Variants in FAM3A observed in about 807,000 individuals in gnomAD.
The protein encoded by FAM3A is protein FAM3A.
FAM3A carries 5 observed loss-of-function variants against 18.1 expected under a neutral mutation model. That is an observed-to-expected ratio of 0.28 (90% CI 0.14 to 0.58). FAM3A has a LOEUF of 0.58. Ranked by LOEUF, FAM3A falls within the 20% of genes least tolerant of loss-of-function variation. The pLI, the probability that FAM3A is intolerant of heterozygous loss-of-function variation, is 0.91. For synonymous variants in FAM3A, 108 were observed against 90.2 expected (o/e 1.20, Z -1.12); for missense variants, 154 against 216.6 (o/e 0.71, Z 1.81).
At chrX:154,508,892 A>G (rs1332425266) in intron 3 of FAM3A, 13 of 405,771 alleles carry the variant, frequency 3.2e-5, no homozygotes, top group African/African-American at 1.5e-4. Flanking sequence ...GAAGTAAGTC[A>G]GGCTGGGGGT....
chrX:154,512,560 C>T (rs987801477), intron 2 of FAM3A: 3 of 360,892 alleles, frequency 8.3e-6, no homozygotes, highest in Admixed American at 4.9e-5. Flanking sequence ...TCAGTGGAAG[C>T]TCCCTACCCC....
chrX:154,512,674 C>T, intron 2 of FAM3A, 149 bp downstream of exon 2: 1 of 464,043 alleles, frequency 2.2e-6, no homozygotes, highest in Non-Finnish European at 3.8e-6. Context: ...GCGCCTGATG[C>T]CAGGAGACAG....
At chrX:154,507,641 C>G (rs2069624399) in intron 6 of FAM3A, 151 bp from the exon 7 acceptor site, 1 of 785,255 alleles carries the variant, frequency 1.3e-6, no homozygotes, top group South Asian at 2.3e-5. Context: ...CTGAGGCATC[C>G]CCGTGACCTC....
intron 1 of FAM3A, among the ~76,000 whole-genome samples, chrX:154,513,643 A>C (rs992644582): frequency 1.8e-5 from 2 of 109,011 alleles, no homozygotes; most frequent in Non-Finnish European, 3.8e-5. Context: ...CAAAAACAAA[A>C]ACAAAACAAA....
At chrX:154,514,639 C>T (rs954146286) in intron 1 of FAM3A, among the ~76,000 whole-genome samples, 4 of 111,399 alleles carry the variant, frequency 3.6e-5, no homozygotes, top group Non-Finnish European at 5.7e-5. Context: ...CTCCAGACCT[C>T]GTGATCCGCC....
rs781824179 is a variant in FAM3A at position 154,507,492 on chromosome X, T to TG, written c.386-3dup. The TG allele has an allele frequency of 1.6e-4, 192 of 1,206,480 alleles. 1 individual carries two copies. In the African/African-American group the frequency reaches 2.6e-3, roughly 16 times the overall value. On this transcript the variant is annotated splice_region_variant and splice_polypyrimidine_tract_variant and intron_variant, in intron 6 of 8. Coordinates refer to ENST00000447601, the MANE Select transcript of FAM3A (RefSeq NM_021806.4). ...TAAACTTCAACAGGTCGTTGACATC[T>TG]GGGGGGGCAGGTGCCACGGAACAGG...
chrX:154,515,939 G>C lies in FAM3A; in HGVS notation c.-167C>G. On this transcript the variant is annotated 5_prime_UTR_variant, in exon 1 of 9. Transcript: ENST00000447601. Reference sequence around the variant, plus strand: ...TTGTCCAGCCGCCCGGCCAGGCAGGGCTCCTCGGAAACGCGCGGGGAAACC... The same window carrying C: ...TTGTCCAGCCGCCCGGCCAGGCAGGCCTCCTCGGAAACGCGCGGGGAAACC... 1 of 501,196 alleles carries C rather than the reference G, an allele frequency of 2.0e-6. No homozygotes were observed. The highest frequency in any genetic ancestry group is 5.5e-4 in the Middle Eastern group (1 of 1,820). The allele number at this position is 501,196 out of a possible 1,213,427, so 41.3% of individuals were successfully genotyped here. A position where few individuals can be genotyped will look rare whatever the true frequency, so the allele number is the denominator to read the frequency against.
In FAM3A at chrX:154,511,827, GGGA is replaced by G. The variant is rs1160638888; in HGVS notation, c.151+18_151+20del. 1 of 1,202,820 alleles carries G rather than the reference GGGA, an allele frequency of 8.3e-7. No homozygotes were observed. Among genetic ancestry groups the G allele is most frequent in the African/African-American group, 1.8e-5 (1 of 56,932 alleles). ...AGGGATGTCACAAAGGGGAGGAGCA[GGGA>G]GGTGACAGGGGCCTTACCTGCAGTC... On this transcript the variant is annotated intron_variant, in intron 3 of 8. Transcript: ENST00000447601.
chrX:154,507,070 A>T, intron 8 of FAM3A, 133 bp downstream of exon 8: 1 of 967,323 alleles, frequency 1.0e-6, no homozygotes, highest in Non-Finnish European at 1.4e-6. Context: ...CATCAGCTGC[A>T]CTGGCCCACC....
intron 2 of FAM3A, 104 bp from the exon 3 acceptor site, chrX:154,511,975 C>A: frequency 1.3e-6 from 1 of 752,382 alleles, no homozygotes; most frequent in South Asian, 2.4e-5. Flanking sequence ...GGCAGTCAGG[C>A]TCAGGGGCCG....
chrX:154,508,029 CTG>C lies in FAM3A; in HGVS notation c.335-170_335-169del. On this transcript the variant is annotated intron_variant, in intron 5 of 8. Coordinates refer to ENST00000447601, the MANE Select transcript of FAM3A (RefSeq NM_021806.4). ...CATCCCACCCCAAGCCGTGGTGCCT[CTG>C]TCTGGCATTTGAGGCCCTCCGGGGG... 3 of 524,909 alleles carry C rather than the reference CTG, an allele frequency of 5.7e-6. No individual in the cohort carries two copies. The South Asian group carries it at 9.4e-5, about 16-fold the overall frequency. 43.3% of individuals were successfully genotyped at this position (524,909 alleles called of 1,213,427 possible).
chrX:154,507,585 T>C (rs2069620426), intron 6 of FAM3A, 95 bp from the exon 7 acceptor site: 17 of 982,300 alleles, frequency 1.7e-5, no homozygotes, highest in Middle Eastern at 3.4e-4. Context: ...GAAGTAGGGA[T>C]TGGGCCTGGG....
intron 6 of FAM3A, 53 bp from the exon 7 acceptor site, chrX:154,507,543 T>C: frequency 9.0e-7 from 1 of 1,108,754 alleles, no homozygotes; most frequent in Admixed American, 2.3e-5. Flanking sequence ...CTGAGCACCC[T>C]CCCACAAGCC....
chrX:154,507,796 T>C lies in FAM3A; in HGVS notation c.385+15A>G. On this transcript the variant is annotated intron_variant, in intron 6 of 8. Coordinates refer to ENST00000447601, the MANE Select transcript of FAM3A (RefSeq NM_021806.4). ...TTGCTGCAGTCAAAATGCAAGACGC[T>C]GCGCTGCAACTCACCTCCGGCCCAC... 2 of 1,181,473 alleles carry C rather than the reference T, an allele frequency of 1.7e-6. No homozygotes were observed. The highest frequency in any genetic ancestry group is 4.8e-5 in the Admixed American group (2 of 41,884).
Position 154,515,780 on chromosome X carries a change from TCTC to T in FAM3A, c.-11_-9del, listed in dbSNP as rs782228561. On this transcript the variant is annotated 5_prime_UTR_variant, in exon 1 of 9. Coordinates refer to ENST00000447601, the MANE Select transcript of FAM3A (RefSeq NM_021806.4). The stretch of plus-strand genomic sequence containing the variant: ...CCCACCTGCCAACCTCATGTCCACT[TCTC>T]CTGCTGGGTTGGGACCGCCGGCAAG... 41 of 1,209,065 alleles carry T rather than the reference TCTC, an allele frequency of 3.4e-5. No individual in the cohort carries two copies. In the Admixed American group the frequency reaches 7.4e-4, roughly 22 times the overall value.
At position 154,506,821 on chromosome X, in the gene FAM3A, G is replaced by C. The variant is rs782379297; in HGVS notation, c.683C>G (p.Thr228Arg). The C allele has an allele frequency of 2.5e-6, 3 of 1,209,279 alleles. No homozygotes were observed. Among genetic ancestry groups the C allele is most frequent in the Non-Finnish European group, 3.4e-6 (3 of 893,930 alleles). Residue 228 changes from threonine (T) to arginine (R), a missense_variant, in exon 9 of 9, where the codon ACG becomes AGG. Physicochemically the swap from Thr to Arg is moderately conservative, Grantham distance 71. Around this residue, in one of 3 missense-constraint regions of FAM3A, gnomAD observed 39 missense variants for 38.5 expected, o/e 1.01. Transcript: ENST00000447601. ...CTGGCACTGGCCGTGCTAGCTGGCC[G>C]TGCTTCTCCGCGGGATACAGCCTTC... is the stretch of plus-strand genomic sequence containing the variant. ...EMEGCIPRRSTAS is the reference protein window; with the variant it reads ...EMEGCIPRRSRAS
At chrX:154,509,454 G>GACA (rs1569555796) in intron 3 of FAM3A, 2 of 113,470 alleles carry the variant, frequency 1.8e-5, no homozygotes, top group Non-Finnish European at 3.7e-5. Context: ...ACAGGTTTTG[G>GACA]CACCAGGAAG....
At chrX:154,508,056 G>T (rs1196599326) in intron 5 of FAM3A, among the ~76,000 whole-genome samples, 195 bp from the exon 6 acceptor site, 3 of 112,943 alleles carry the variant, frequency 2.7e-5, no homozygotes, top group African/African-American at 9.6e-5. Context: ...CCCTCCGGGG[G>T]CTCTCCATGA....
chrX:154,508,778 C>A lies in FAM3A; in HGVS notation c.152-181G>T, dbSNP rs782790898. 3 of 552,074 alleles carry A rather than the reference C, an allele frequency of 5.4e-6. No individual in the cohort carries two copies. In the South Asian group the frequency reaches 7.4e-5, roughly 14 times the overall value. The allele number at this position is 552,074 out of a possible 1,213,427, so 45.5% of individuals were successfully genotyped here. A position where few individuals can be genotyped will look rare whatever the true frequency, so the allele number is the denominator to read the frequency against. On this transcript the variant is annotated intron_variant, in intron 3 of 8. Transcript: ENST00000447601. The stretch of plus-strand genomic sequence containing the variant: ...CATACTCTGTGTCCTACTGGTGAGG[C>A]CACAGGGACCCAAGACAGAAGGATT...
Sources: allele counts gnomAD v4.1 joint callset (sites outside exome capture counted in the v4.1 genomes callset), GRCh38; gene constraint gnomAD v4.1.1; regional missense constraint gnomAD v4.1.1; transcripts MANE v1.5; gene names NCBI Gene and HGNC (gene_info 2026-07-23, HGNC 2026-07-21).